The following ACSBG1 variants were observed in gnomAD, a reference collection of about 807,000 sequenced individuals.
ACSBG1 encodes long-chain-fatty-acid--CoA ligase ACSBG1.
ACSBG1 carries 39 observed loss-of-function variants against 80.2 expected under a neutral mutation model. The ratio of observed to expected loss-of-function variants is 0.49; its 90% confidence interval spans 0.38 to 0.64. ACSBG1 has a LOEUF of 0.64. Among genes scored for constraint, ACSBG1 ranks in the 30% least tolerant of loss-of-function variants. The pLI is 0.00. For synonymous variants in ACSBG1, 392 were observed against 379.5 expected (o/e 1.03, Z -0.38); for missense variants, 828 against 966.4 (o/e 0.86, Z 1.90).
intron 1 of ACSBG1, among the ~76,000 whole-genome samples, chr15:78,230,760 C>T (rs138524495): frequency 5.6e-4 from 85 of 152,326 alleles, no homozygotes; most frequent in African/African-American, 2.0e-3. Flanking sequence ...ATGTGCCTTT[C>T]GTCTTCTGCC....
At chr15:78,217,933 T>C (rs1238763202) in intron 1 of ACSBG1, among the ~76,000 whole-genome samples, 2 of 152,184 alleles carry the variant, frequency 1.3e-5, no homozygotes, top group South Asian at 2.1e-4. Flanking sequence ...ATATGTTGTA[T>C]TGATGACAGA....
intron 1 of ACSBG1, among the ~76,000 whole-genome samples, chr15:78,227,663 C>T (rs904652104): frequency 3.3e-5 from 5 of 152,146 alleles, no homozygotes; most frequent in African/African-American, 1.2e-4. Context: ...GAACATATGT[C>T]CACAAAAACA....
rs2074764118 is a variant in ACSBG1 at position 78,167,793 on chromosome 15, C to T, written c.*3651G>A. The T allele has an allele frequency of 6.6e-6, 1 of 152,098 alleles. No individual in the cohort carries two copies. Among genetic ancestry groups the T allele is most frequent in the Non-Finnish European group, 1.5e-5 (1 of 68,018 alleles). The allele number at this position is 152,098 out of a possible 1,614,324, so 9.4% of individuals were successfully genotyped here. A position where few individuals can be genotyped will look rare whatever the true frequency, so the allele number is the denominator to read the frequency against. On this transcript the variant is annotated 3_prime_UTR_variant, in exon 14 of 14. Coordinates refer to ENST00000258873, the MANE Select transcript of ACSBG1 (RefSeq NM_015162.5). ...TTTGAGTCTGGCTTATTTCACTTAG[C>T]GTAATATCTTCAAAGTTGGTCCCTT...
chr15:78,229,574 T>C (rs2075430286), intron 1 of ACSBG1, among the ~76,000 whole-genome samples: 1 of 152,142 alleles, frequency 6.6e-6, no homozygotes, highest in African/African-American at 2.4e-5. Context: ...CCCTGGCTCT[T>C]AGGGGGCTCC....
chr15:78,218,874 C>T (rs1231483093), intron 1 of ACSBG1, among the ~76,000 whole-genome samples: 2 of 145,846 alleles, frequency 1.4e-5, no homozygotes, highest in African/African-American at 2.6e-5. Flanking sequence ...TGCAGTGGCG[C>T]GATCTTGGCT....
chr15:78,189,855 A>T (rs1057281371), intron 5 of ACSBG1, among the ~76,000 whole-genome samples: 2 of 152,066 alleles, frequency 1.3e-5, no homozygotes, highest in Non-Finnish European at 2.9e-5. Flanking sequence ...AAATAAATTT[A>T]AAAAAGTAAT....
intron 8 of ACSBG1, among the ~76,000 whole-genome samples, 185 bp downstream of exon 8, chr15:78,181,784 T>C (rs556623327): frequency 8.9e-4 from 136 of 152,274 alleles, no homozygotes; most frequent in Admixed American, 2.5e-3. Flanking sequence ...TGAGCCACCG[T>C]GCCCGGCCTA....
chr15:78,185,061 GA>G (rs2074987083), intron 5 of ACSBG1, among the ~76,000 whole-genome samples: 2 of 130,996 alleles, frequency 1.5e-5, no homozygotes. Flanking sequence ...GGGAGAGAGA[GA>G]GAGAGAGAGA....
At chr15:78,179,004 G>A in intron 10 of ACSBG1, 173 bp from the exon 11 acceptor site, 1 of 634,370 alleles carries the variant, frequency 1.6e-6, no homozygotes, top group Non-Finnish European at 2.7e-6. Context: ...CCAAGTAAAG[G>A]GTTTTAGGGA....
chr15:78,205,328 C>T (rs1446903756), intron 2 of ACSBG1, among the ~76,000 whole-genome samples: 2 of 152,036 alleles, frequency 1.3e-5, no homozygotes, highest in Non-Finnish European at 2.9e-5. Context: ...TTTTTGGGAC[C>T]TCAAAGAGAT....
chr15:78,214,072 C>T (rs1297951645), intron 1 of ACSBG1, among the ~76,000 whole-genome samples: 3 of 152,196 alleles, frequency 2.0e-5, no homozygotes, highest in African/African-American at 7.2e-5. Context: ...TCCCAGCTCC[C>T]CCCATTCCCA....
chr15:78,226,788 AT>A (rs2075404855), intron 1 of ACSBG1, among the ~76,000 whole-genome samples: 1 of 85,240 alleles, frequency 1.2e-5, no homozygotes, highest in Admixed American at 1.3e-4. Flanking sequence ...ATAGAAAAAT[AT>A]ATATATATAT....
rs767511742 is a variant in ACSBG1 at position 78,173,753 on chromosome 15, G to A, written c.1929C>T (p.Ala643=). The change falls in exon 13 of 14, where the codon GCC becomes GCT. Residue 643 remains alanine, a synonymous_variant. Coordinates refer to ENST00000258873, the MANE Select transcript of ACSBG1 (RefSeq NM_015162.5). ...MEFCQRVGSR[A]TTVSEIIEKK... ...TCTCTATGATCTCGGACACTGTGGT[G>A]GCTCTGCTGCCCACCCTCTGGCAGA... 63 of 1,614,046 alleles carry A rather than the reference G, an allele frequency of 3.9e-5. No individual in the cohort carries two copies. Among genetic ancestry groups the A allele is most frequent in the Non-Finnish European group, 3.6e-5 (43 of 1,180,042 alleles).
Position 78,173,798 on chromosome 15 carries a change from C to T in ACSBG1, c.1884G>A (p.Leu628=), listed in dbSNP as rs1377194386. ...GGCAGAACTCCATAGCTTGTTCAGT[C>T]AGATTATCAGTCTGGTCAGAGGTGT... ...DPDTSDQTDN[L]TEQAMEFCQR... Residue 628 remains leucine, a synonymous_variant, in exon 13 of 14, where the codon CTG becomes CTA. Transcript: ENST00000258873. 1 of 1,614,032 alleles carries T rather than the reference C, an allele frequency of 6.2e-7. No individual in the cohort carries two copies. Among genetic ancestry groups the T allele is most frequent in the Admixed American group, 1.7e-5 (1 of 60,016 alleles).
chr15:78,206,937 G>C (rs974741698), intron 2 of ACSBG1, among the ~76,000 whole-genome samples: 7 of 152,102 alleles, frequency 4.6e-5, no homozygotes, highest in Non-Finnish European at 8.8e-5. Flanking sequence ...TCATACTCAG[G>C]ACTTGCTGAG....
rs1024032654 is a variant in ACSBG1 at position 78,194,377 on chromosome 15, T to A, written c.453+129A>T. 19 of 861,668 alleles carry A rather than the reference T, an allele frequency of 2.2e-5. No homozygotes were observed. The African/African-American group carries it at 3.1e-4, about 14-fold the overall frequency. 53.4% of individuals were successfully genotyped at this position (861,668 alleles called of 1,614,324 possible). The stretch of plus-strand genomic sequence containing the variant: ...CATGGAGTATCAGCCCCACGCACAA[T>A]GACAGCTTTTACAGTTATTGTTCCT... On this transcript the variant is annotated intron_variant, in intron 3 of 13. Transcript: ENST00000258873.
At chr15:78,182,387 G>A in intron 7 of ACSBG1, 79 bp downstream of exon 7, 3 of 1,560,182 alleles carry the variant, frequency 1.9e-6, no homozygotes, top group Non-Finnish European at 2.6e-6. Flanking sequence ...TTTCCCAGGG[G>A]CTACTGGGGC....
At chr15:78,231,771 C>G (rs2141396629) in intron 1 of ACSBG1, among the ~76,000 whole-genome samples, 1 of 152,184 alleles carries the variant, frequency 6.6e-6, no homozygotes, top group East Asian at 1.9e-4. Flanking sequence ...AAATTTTTAG[C>G]AGAGACAAGG....
intron 1 of ACSBG1, among the ~76,000 whole-genome samples, chr15:78,215,583 G>A (rs1379287664): frequency 1.3e-5 from 2 of 152,034 alleles, no homozygotes; most frequent in East Asian, 3.9e-4. Flanking sequence ...TTGAACCTGG[G>A]AGGCAGAGGT....
Sources: gnomAD v4.1 joint callset for allele counts (sites outside exome capture counted in the v4.1 genomes callset) on GRCh38, gnomAD v4.1.1 for gene constraint, MANE v1.5 for transcripts, NCBI Gene and HGNC (gene_info 2026-07-23, HGNC 2026-07-21) for gene names.